The following ASTN2 variants were observed in gnomAD, a reference collection of about 807,000 sequenced individuals.
The protein encoded by ASTN2 is astrotactin 2.
ASTN2 carries 54 observed loss-of-function variants against 139.8 expected under a neutral mutation model. The ratio of observed to expected loss-of-function variants is 0.39; its 90% CI spans 0.31 to 0.48. The LOEUF (loss-of-function observed/expected upper bound fraction) is 0.48. Ranked by LOEUF, ASTN2 falls within the 20% of genes least tolerant of loss-of-function variation. The probability of loss-of-function intolerance (pLI) is 0.95; values close to 1 mark genes in which losing one functional copy is unlikely to be tolerated. For synonymous variants in ASTN2, 756 were observed against 719.5 expected, an observed-to-expected ratio of 1.05 and a Z score of -0.81; for missense variants, 1,565 against 1,725.1, an observed-to-expected ratio of 0.91 and a Z score of 1.64.
chr9:116,749,029 C>T lies in ASTN2; in HGVS notation c.2397-15506G>A, dbSNP rs114721657. Among the ~76,000 whole-genome samples, 368 of 152,124 alleles carry T rather than the reference C, an allele frequency of 2.4e-3. 3 individuals are homozygous for T. The highest frequency in any genetic ancestry group is 8.4e-3 in the African/African-American group (350 of 41,490). On this transcript the variant is annotated intron_variant, in intron 13 of 22. Transcript: ENST00000313400. ...ACACACCTGGATTTGCATCCTGGTCCGCCCCCCGTCCCCTGTGTAGATCTA... is the reference window on the plus strand; with the variant it reads ...ACACACCTGGATTTGCATCCTGGTCTGCCCCCCGTCCCCTGTGTAGATCTA...
chr9:117,166,239 A>G (rs1052486687), intron 3 of ASTN2, among the ~76,000 whole-genome samples: 8 of 152,082 alleles, frequency 5.3e-5, no homozygotes, highest in East Asian at 1.9e-4. Context: ...CACAAAAAAC[A>G]AATATGCAGG....
At chr9:116,453,463 G>A (rs1848233683) in intron 20 of ASTN2, among the ~76,000 whole-genome samples, 3 of 151,568 alleles carry the variant, frequency 2.0e-5, no homozygotes, top group Admixed American at 6.6e-5. Flanking sequence ...GCGTGGTGGC[G>A]GGTGCCTGTA....
In ASTN2 at chr9:116,948,785, G is replaced by GTTTTTT. The variant is rs58832163; in HGVS notation, c.1889+26417_1889+26422dup. ...AGAGAGAGGAGAGAAATAATTTGGT[G>GTTTTTT]TTTTTTTTTTTTTTTTTTTTTTTTT... On this transcript the variant is annotated intron_variant, in intron 10 of 22. Coordinates refer to ENST00000313400, the MANE Select transcript of ASTN2 (RefSeq NM_001365068.1). Among the ~76,000 whole-genome samples the GTTTTTT allele has an allele frequency of 6.2e-3, 307 of 49,466 alleles. 74 individuals are homozygous for GTTTTTT. Among genetic ancestry groups the GTTTTTT allele is most frequent in the South Asian group, 0.035 (26 of 734 alleles). 32.5% of individuals were successfully genotyped at this position (49,466 alleles called of 152,430 possible). A position where few individuals can be genotyped will look rare whatever the true frequency, so the allele number is the denominator to read the frequency against.
chr9:116,527,830 C>G (rs963471442), intron 19 of ASTN2, among the ~76,000 whole-genome samples: 4 of 152,038 alleles, frequency 2.6e-5, no homozygotes, highest in Non-Finnish European at 5.9e-5. Flanking sequence ...CTTCCCACCC[C>G]CCTCACTCTC....
intron 2 of ASTN2, among the ~76,000 whole-genome samples, chr9:117,272,004 G>A (rs1034042014): frequency 6.6e-5 from 10 of 152,324 alleles, no homozygotes; most frequent in Admixed American, 3.3e-4. Context: ...CAGTACCCAA[G>A]TAGGGATGCT....
At chr9:117,258,780 T>C (rs13297699) in intron 2 of ASTN2, among the ~76,000 whole-genome samples, 8 of 152,134 alleles carry the variant, frequency 5.3e-5, no homozygotes, top group African/African-American at 9.7e-5. Flanking sequence ...TTGCATATGT[T>C]GTGCCCTCTG....
In ASTN2 at chr9:117,340,225, G is replaced by A. The variant is rs934901735; in HGVS notation, c.443-48712C>T. Among the ~76,000 whole-genome samples the A allele has an allele frequency of 1.9e-4, 28 of 151,072 alleles. 1 individual carries two copies. Among genetic ancestry groups the A allele is most frequent in the Non-Finnish European group, 2.1e-4 (14 of 67,878 alleles). On this transcript the variant is annotated intron_variant, in intron 1 of 22. Coordinates refer to ENST00000313400, the MANE Select transcript of ASTN2 (RefSeq NM_001365068.1). Reference sequence around the variant, plus strand: ...CATGCACCTATAATCCCAGCGACTCGGGAGGCTGAGGCAGGAGAATGGCTT... The same window carrying A: ...CATGCACCTATAATCCCAGCGACTCAGGAGGCTGAGGCAGGAGAATGGCTT...
intron 3 of ASTN2, among the ~76,000 whole-genome samples, chr9:117,174,815 T>C (rs1830877802): frequency 6.6e-6 from 1 of 152,116 alleles, no homozygotes; most frequent in Admixed American, 6.5e-5. Flanking sequence ...TACTAACATT[T>C]ACTATTTGGT....
At chr9:117,004,332 G>A (rs1588473320) in intron 7 of ASTN2, among the ~76,000 whole-genome samples, 1 of 152,146 alleles carries the variant, frequency 6.6e-6, no homozygotes, top group East Asian at 1.9e-4. Flanking sequence ...TGTTGCCCAG[G>A]CTGGTCTTGG....
At chr9:116,606,007 T>C (rs926663607) in intron 19 of ASTN2, among the ~76,000 whole-genome samples, 1 of 152,138 alleles carries the variant, frequency 6.6e-6, no homozygotes, top group Non-Finnish European at 1.5e-5. Flanking sequence ...AACAGGAGAT[T>C]TGGATTTATT....
chr9:117,045,521 TC>T (rs1202696429), intron 5 of ASTN2, among the ~76,000 whole-genome samples: 1 of 152,086 alleles, frequency 6.6e-6, no homozygotes, highest in Non-Finnish European at 1.5e-5. Context: ...TCAGCTCCTC[TC>T]ATGGCAGCAG....
intron 19 of ASTN2, among the ~76,000 whole-genome samples, chr9:116,515,541 GC>G (rs1263084297): frequency 6.6e-6 from 1 of 152,172 alleles, no homozygotes; most frequent in Non-Finnish European, 1.5e-5. Context: ...ATGGTTGGAG[GC>G]AGAAACAAGG....
At chr9:116,682,576 C>T (rs1291416852) in intron 16 of ASTN2, among the ~76,000 whole-genome samples, 8 of 152,172 alleles carry the variant, frequency 5.3e-5, no homozygotes, top group African/African-American at 1.7e-4. Flanking sequence ...CGCATTCACA[C>T]GTATGTTTAC....
intron 13 of ASTN2, among the ~76,000 whole-genome samples, chr9:116,746,037 T>C (rs539684441): frequency 7.9e-5 from 12 of 151,784 alleles, no homozygotes; most frequent in Non-Finnish European, 1.3e-4. Flanking sequence ...ATATGGCTCA[T>C]GGCCCCTTTC....
At chr9:117,259,008 T>C (rs1833758137) in intron 2 of ASTN2, among the ~76,000 whole-genome samples, 1 of 152,198 alleles carries the variant, frequency 6.6e-6, no homozygotes, top group Admixed American at 6.5e-5. Flanking sequence ...GACTCTTCTT[T>C]TTCTTAGATA....
chr9:117,034,099 G>A (rs1249512633), intron 6 of ASTN2, among the ~76,000 whole-genome samples: 1 of 152,032 alleles, frequency 6.6e-6, no homozygotes, highest in African/African-American at 2.4e-5. Context: ...AACAAAACAG[G>A]GAATTCTAGG....
intron 2 of ASTN2, among the ~76,000 whole-genome samples, chr9:117,239,815 G>A (rs1218059928): frequency 6.6e-6 from 1 of 152,166 alleles, no homozygotes; most frequent in African/African-American, 2.4e-5. Flanking sequence ...GCAAGTGAAT[G>A]CAAAAAGATA....
chr9:116,874,144 A>G (rs1029595529), intron 10 of ASTN2, among the ~76,000 whole-genome samples: 7 of 152,184 alleles, frequency 4.6e-5, no homozygotes, highest in African/African-American at 1.2e-4. Context: ...CCCTGGGTGT[A>G]TCTGACTTCG....
intron 3 of ASTN2, among the ~76,000 whole-genome samples, chr9:117,170,019 T>C (rs1419207395): frequency 6.6e-6 from 1 of 152,130 alleles, no homozygotes; most frequent in East Asian, 1.9e-4. Flanking sequence ...TCTGTGATCA[T>C]GAGCATGGTC....
Sources: gnomAD v4.1 joint callset for allele counts (sites outside exome capture counted in the v4.1 genomes callset) on GRCh38, gnomAD v4.1.1 for gene constraint, MANE v1.5 for transcripts, NCBI Gene and HGNC (gene_info 2026-07-23, HGNC 2026-07-21) for gene names.